PAK6: variants seen among roughly 807,000 people sequenced by gnomAD.
PAK6 encodes p21 (RAC1) activated kinase 6.
Under a neutral mutation model 60.8 loss-of-function variants are expected in PAK6, and 33 were observed. The ratio of observed to expected loss-of-function variants is 0.54; its 90% CI spans 0.41 to 0.73. The LOEUF (loss-of-function observed/expected upper bound fraction) is 0.73. Ranked by LOEUF, PAK6 falls within the 30% of genes least tolerant of loss-of-function variation. PAK6 has a pLI of 0.00. For missense variants in PAK6, 845 were observed against 904.1 expected, an observed-to-expected ratio of 0.93 and a Z score of 0.84; for synonymous variants, 404 against 378.5, an observed-to-expected ratio of 1.07 and a Z score of -0.78.
chr15:40,241,440 G>C (rs2038330593), intron 2 of PAK6, among the ~76,000 whole-genome samples: 1 of 140,224 alleles, frequency 7.1e-6, no homozygotes, highest in African/African-American at 2.7e-5. Context: ...GGTGGGCCTG[G>C]GACTCAGCCC....
chr15:40,276,000 A>T lies in PAK6; in HGVS notation c.1952A>T (p.Glu651Val). The T allele has an allele frequency of 6.2e-7, 1 of 1,611,784 alleles. No individual in the cohort carries two copies. The highest frequency in any genetic ancestry group is 8.5e-7 in the Non-Finnish European group (1 of 1,179,460). ...CCCCAAGAGAGAGCCACAGCCCAGG[A>T]GCTCCTAGACCACCCCTTCCTGCTG... is the stretch of plus-strand genomic sequence containing the variant. The change falls in exon 11 of 11, where the codon GAG (glutamate) becomes GTG (valine). Residue 651 changes from glutamate (E) to valine (V), a missense_variant. Physicochemically the swap from Glu to Val is moderately radical, Grantham distance 121. Coordinates refer to ENST00000560346, the Ensembl canonical transcript of PAK6.
At chr15:40,257,310 C>CA (rs1344155173) in intron 3 of PAK6, among the ~76,000 whole-genome samples, 14 of 152,260 alleles carry the variant, frequency 9.2e-5, no homozygotes, top group African/African-American at 3.4e-4. Flanking sequence ...CGGGTGGCTG[C>CA]AAACCCCTTT....
chr15:40,241,978 G>A (rs1395852720), intron 2 of PAK6, among the ~76,000 whole-genome samples: 1 of 152,238 alleles, frequency 6.6e-6, no homozygotes. Flanking sequence ...AGGTGACTCT[G>A]TGCCTAGGAG....
At chr15:40,265,471 T>C (rs2039098897) in intron 4 of PAK6, among the ~76,000 whole-genome samples, 1 of 152,128 alleles carries the variant, frequency 6.6e-6, no homozygotes, top group Non-Finnish European at 1.5e-5. Flanking sequence ...CTGGTGTCTC[T>C]TCCTCAGAGG....
intron 3 of PAK6, among the ~76,000 whole-genome samples, chr15:40,255,968 T>C (rs2038822785): frequency 1.3e-5 from 2 of 152,216 alleles, no homozygotes; most frequent in South Asian, 4.1e-4. Context: ...AGAAGCAAAC[T>C]AAACCACACA....
chr15:40,274,287 A>C lies in PAK6; in HGVS notation c.1878+11A>C, dbSNP rs2039389065. The C allele has an allele frequency of 6.3e-7, 1 of 1,594,130 alleles. No homozygotes were observed. Among genetic ancestry groups the C allele is most frequent in the African/African-American group, 1.3e-5 (1 of 74,328 alleles). ...AAAAACTCTCACAAGGTCAGTTGGC[A>C]CACAAGGGTGCGACCTCGCAGACCC... On this transcript the variant is annotated intron_variant, in intron 10 of 10. Coordinates refer to ENST00000560346, the Ensembl canonical transcript of PAK6.
intron 4 of PAK6, 55 bp from the exon 5 acceptor site, chr15:40,265,787 C>CCCT (rs1440435242): frequency 5.7e-5 from 84 of 1,474,746 alleles, no homozygotes; most frequent in Non-Finnish European, 7.1e-5. Context: ...TCCCAGCCAC[C>CCCT]CCTCCCTGCC....
rs371932572 is a variant in PAK6, at chr15:40,244,329, CAA to C, written c.-118+3663_-118+3664del. ...CTGGCCACAGAGCAAGACTCTGTCT[CAA>C]AAAAAAAAAAAAAAGGCCAGTAATC... On this transcript the variant is annotated intron_variant, in intron 2 of 10. Coordinates refer to ENST00000560346, the Ensembl canonical transcript of PAK6. Among the ~76,000 whole-genome samples the C allele has an allele frequency of 3.0e-3, 336 of 110,668 alleles. 1 individual carries two copies. Among genetic ancestry groups the C allele is most frequent in the Middle Eastern group, 0.01 (2 of 196 alleles). The allele number at this position is 110,668 out of a possible 152,430, so 72.6% of individuals were successfully genotyped here. A position where few individuals can be genotyped will look rare whatever the true frequency, so the allele number is the denominator to read the frequency against.
intron 7 of PAK6, 25 bp from the exon 8 acceptor site, chr15:40,273,321 C>T (rs1299430329): frequency 2.1e-5 from 34 of 1,609,078 alleles, no homozygotes; most frequent in Admixed American, 1.2e-4. Context: ...TCTCTTTCAT[C>T]GGGTGGCCCC....
At chr15:40,264,589 TTGTTTCTGGGAC>T in intron 3 of PAK6, 180 bp from the exon 4 acceptor site, 1 of 635,640 alleles carries the variant, frequency 1.6e-6, no homozygotes, top group South Asian at 1.8e-5. Flanking sequence ...GGCACGTTTG[TTGTTTCTGGGAC>T]TGTTCTGCTG....
At chr15:40,268,585 A>G (rs1477950577) in intron 5 of PAK6, among the ~76,000 whole-genome samples, 1 of 152,212 alleles carries the variant, frequency 6.6e-6, no homozygotes, top group Non-Finnish European at 1.5e-5. Context: ...AGCAGCTTCC[A>G]TAACAGCAGT....
rs55920845 is a variant in PAK6, at chr15:40,266,251, G to A, written c.614G>A (p.Gly205Glu). Residue 205 changes from glycine to glutamate, a missense_variant, in exon 5 of 11, where the codon GGA becomes GAA. Transcript: ENST00000560346. Reference sequence around the variant, plus strand: ...GCCTGCCTGCAGAGCTCCCCACCAGGAGCCTCGCCCCCCACGGGCACCAAT... The same window carrying A: ...GCCTGCCTGCAGAGCTCCCCACCAGAAGCCTCGCCCCCCACGGGCACCAAT... 1.1e-4 allele frequency: 185 copies of A among 1,610,718 alleles called. 1 individual carries two copies. In the African/African-American group the frequency reaches 2.3e-3, roughly 20 times the overall value.
At chr15:40,264,680 G>A in intron 3 of PAK6, 101 bp from the exon 4 acceptor site, 1 of 951,700 alleles carries the variant, frequency 1.1e-6, no homozygotes, top group Non-Finnish European at 1.7e-6. Context: ...TAGGGGAGCT[G>A]TGCTGGGGGA....
At chr15:40,256,684 G>T (rs149755186) in intron 3 of PAK6, among the ~76,000 whole-genome samples, 1 of 152,200 alleles carries the variant, frequency 6.6e-6, no homozygotes, top group Non-Finnish European at 1.5e-5. Flanking sequence ...GGTCAGACTC[G>T]TGTCTGCCCC....
intron 3 of PAK6, among the ~76,000 whole-genome samples, chr15:40,261,657 G>T (rs771626792): frequency 7.9e-5 from 12 of 152,168 alleles, no homozygotes; most frequent in Non-Finnish European, 1.6e-4. Context: ...GTCCCACACA[G>T]TGTTGGCCTC....
chr15:40,267,726 G>A (rs2039185771), intron 5 of PAK6, among the ~76,000 whole-genome samples: 1 of 152,208 alleles, frequency 6.6e-6, no homozygotes, highest in African/African-American at 2.4e-5. Context: ...AAAGGACAGT[G>A]GGTTGGGATC....
chr15:40,248,477 G>A (rs2038559533), intron 2 of PAK6, among the ~76,000 whole-genome samples: 1 of 152,162 alleles, frequency 6.6e-6, no homozygotes, highest in Admixed American at 6.5e-5. Context: ...CAGCACACGT[G>A]CCCCCACCTC....
chr15:40,240,106 G>GT (rs1566839397), intron 1 of PAK6: 3 of 153,948 alleles, frequency 1.9e-5, no homozygotes, highest in African/African-American at 7.2e-5. Flanking sequence ...GTAGGAAGCC[G>GT]TCCGGAGGGG....
At chr15:40,265,464 G>C (rs1416678972) in intron 4 of PAK6, among the ~76,000 whole-genome samples, 1 of 152,148 alleles carries the variant, frequency 6.6e-6, no homozygotes, top group South Asian at 2.1e-4. Flanking sequence ...CCCCGGCCTG[G>C]TGTCTCTTCC....
Sources: allele counts gnomAD v4.1 joint callset (sites outside exome capture counted in the v4.1 genomes callset), GRCh38; gene constraint gnomAD v4.1.1; transcripts MANE v1.5; gene names NCBI Gene and HGNC (gene_info 2026-07-23, HGNC 2026-07-21).